ADCY9: variants seen among roughly 807,000 people sequenced by gnomAD.
ADCY9 encodes adenylate cyclase 9, also known as adenylate cyclase type 9.
ADCY9 carries 50 observed loss-of-function variants against 101.5 expected under a neutral mutation model. The ratio of observed to expected loss-of-function variants is 0.49; its 90% CI spans 0.39 to 0.62. The LOEUF (loss-of-function observed/expected upper bound fraction) is 0.62. ADCY9 is among the 20% of genes least tolerant of loss of function. The probability of loss-of-function intolerance (pLI) is 0.00; values close to 1 mark genes in which losing one functional copy is unlikely to be tolerated. For missense variants in ADCY9, 1,662 were observed against 1,800.4 expected (o/e 0.92, Z 1.39); for synonymous variants, 905 against 769.3 (o/e 1.18, Z -2.92).
intron 2 of ADCY9, among the ~76,000 whole-genome samples, chr16:4,072,179 A>T (rs2056838704): frequency 6.6e-6 from 1 of 152,200 alleles, no homozygotes; most frequent in South Asian, 2.1e-4. Context: ...TACAGTATCA[A>T]GCACCCTCCT....
intron 2 of ADCY9, among the ~76,000 whole-genome samples, chr16:4,024,379 C>T (rs548953195): frequency 3.2e-4 from 49 of 152,254 alleles, no homozygotes; most frequent in Non-Finnish European, 4.4e-4. Context: ...GTTACATATA[C>T]GGTACAGGGA....
At chr16:3,967,274 GCTGCTGTGCCCAGC>G (rs1474932977) in intron 10 of ADCY9, among the ~76,000 whole-genome samples, 1 of 151,806 alleles carries the variant, frequency 6.6e-6, no homozygotes. Context: ...ACAGGCGTGA[GCTGCTGTGCCCAGC>G]CCTGTAACTA....
chr16:4,062,185 A>C (rs2056777400), intron 2 of ADCY9, among the ~76,000 whole-genome samples: 1 of 152,196 alleles, frequency 6.6e-6, no homozygotes, highest in Admixed American at 6.5e-5. Flanking sequence ...GATCTTTAAA[A>C]AGTAGACTGT....
intron 2 of ADCY9, among the ~76,000 whole-genome samples, chr16:4,017,598 C>T (rs796800231): frequency 7.4e-5 from 11 of 149,418 alleles, no homozygotes; most frequent in African/African-American, 2.2e-4. Context: ...GAGCCAAGAT[C>T]GCACCATTGC....
intron 2 of ADCY9, among the ~76,000 whole-genome samples, chr16:4,083,727 C>T (rs971591782): frequency 2.0e-5 from 3 of 152,182 alleles, no homozygotes; most frequent in African/African-American, 7.2e-5. Flanking sequence ...ACCCAGAAAA[C>T]ATTAGGCTCA....
chr16:4,108,360 A>T lies in ADCY9; in HGVS notation c.1693+5390T>A, dbSNP rs1442410712. On this transcript the variant is annotated intron_variant, in intron 2 of 10. Coordinates refer to ENST00000294016, the MANE Select transcript of ADCY9 (RefSeq NM_001116.4). The stretch of plus-strand genomic sequence containing the variant: ...CTCACCTTAATCAGACCGTTTCTTC[A>T]TTTTTTTTTTTTTTTTTTTTTTTTT... Among the ~76,000 whole-genome samples, 510 of 53,636 alleles carry T rather than the reference A, an allele frequency of 9.5e-3. 3 individuals carry two copies. The highest frequency in any genetic ancestry group is 0.021 in the African/African-American group (306 of 14,244). 35.2% of individuals were successfully genotyped at this position (53,636 alleles called of 152,430 possible).
chr16:4,000,805 A>T (rs1177959314), intron 3 of ADCY9, among the ~76,000 whole-genome samples: 1 of 152,194 alleles, frequency 6.6e-6, no homozygotes, highest in African/African-American at 2.4e-5. Context: ...TATACTCAGC[A>T]GACTGTCAGG....
At chr16:4,066,158 C>T (rs760469437) in intron 2 of ADCY9, among the ~76,000 whole-genome samples, 6 of 152,298 alleles carry the variant, frequency 3.9e-5, no homozygotes, top group Admixed American at 1.3e-4. Context: ...GCAATGGGGA[C>T]GTTCCATCTA....
intron 2 of ADCY9, among the ~76,000 whole-genome samples, chr16:4,014,676 G>A (rs2141729419): frequency 6.6e-6 from 1 of 152,080 alleles, no homozygotes; most frequent in East Asian, 2.0e-4. Flanking sequence ...TCGAACTCCT[G>A]ACCTCAAATG....
At chr16:3,998,491 A>G (rs149805883) in intron 3 of ADCY9, among the ~76,000 whole-genome samples, 66 of 152,152 alleles carry the variant, frequency 4.3e-4, no homozygotes, top group African/African-American at 1.5e-3. Flanking sequence ...TGGGTGGATC[A>G]CAAGGTCAGG....
intron 2 of ADCY9, among the ~76,000 whole-genome samples, chr16:4,076,004 G>T (rs1411196502): frequency 6.6e-6 from 1 of 152,158 alleles, no homozygotes; most frequent in Admixed American, 6.5e-5. Context: ...AGAAAAGGCA[G>T]GCACAAAAGC....
At chr16:3,976,288 G>A (rs376315343) in intron 9 of ADCY9, among the ~76,000 whole-genome samples, 18 of 152,126 alleles carry the variant, frequency 1.2e-4, no homozygotes, top group African/African-American at 4.1e-4. Flanking sequence ...CACCAAGACC[G>A]GCTGGGACTT....
chr16:3,962,041 A>G (rs566448615), downstream of ADCY9, among the ~76,000 whole-genome samples: 2,049 of 151,440 alleles, frequency 0.014, 22 homozygotes, highest in South Asian at 0.021. Flanking sequence ...ATAAAAATTA[A>G]AAAAAAAATA....
intron 5 of ADCY9, among the ~76,000 whole-genome samples, chr16:3,991,334 G>C (rs2056242101): frequency 6.6e-6 from 1 of 152,178 alleles, no homozygotes. Context: ...GGCACTGCGT[G>C]TCCCTGGAGA....
intron 2 of ADCY9, among the ~76,000 whole-genome samples, chr16:4,014,325 GA>G (rs71394639): frequency 0.11 from 7,631 of 69,044 alleles, 214 homozygotes; most frequent in Middle Eastern, 0.16. Context: ...TCTCAAAAAA[GA>G]AAAAAAAAAA....
chr16:4,079,881 A>G (rs1441017879), intron 2 of ADCY9, among the ~76,000 whole-genome samples: 1 of 152,056 alleles, frequency 6.6e-6, no homozygotes, highest in Non-Finnish European at 1.5e-5. Flanking sequence ...CTTTTTGCTT[A>G]TCTGTCTTTT....
At chr16:4,110,039 G>C (rs980384472) in intron 2 of ADCY9, among the ~76,000 whole-genome samples, 6 of 152,112 alleles carry the variant, frequency 3.9e-5, no homozygotes, top group Non-Finnish European at 8.8e-5. Context: ...TCCACCTGGA[G>C]AGCCACAGCC....
chr16:4,074,860 T>C (rs2056857407), intron 2 of ADCY9, among the ~76,000 whole-genome samples: 1 of 152,186 alleles, frequency 6.6e-6, no homozygotes, highest in African/African-American at 2.4e-5. Context: ...AAAGATTTAT[T>C]GAAAGTTGTT....
At chr16:3,994,553 T>TTCTCCTGCCTC (rs2056272389) in intron 3 of ADCY9, among the ~76,000 whole-genome samples, 1 of 152,180 alleles carries the variant, frequency 6.6e-6, no homozygotes, top group African/African-American at 2.4e-5. Flanking sequence ...CCTCCTGGGT[T>TTCTCCTGCCTC]CAAGCGATTC....
Sources: allele counts gnomAD v4.1 joint callset (sites outside exome capture counted in the v4.1 genomes callset), GRCh38; gene constraint gnomAD v4.1.1; transcripts MANE v1.5; gene names NCBI Gene and HGNC (gene_info 2026-07-23, HGNC 2026-07-21).